Variants in UBOX5 observed in about 807,000 individuals in gnomAD.
UBOX5 encodes RING finger protein 37.
Under a neutral mutation model 39.0 loss-of-function variants are expected in UBOX5, and 28 were observed. That is an observed-to-expected ratio of 0.72 (90% CI 0.53 to 0.98). The LOEUF is 0.98. UBOX5 is among the 50% of genes least tolerant of loss of function. The probability of loss-of-function intolerance (pLI) is 0.00; values close to 1 mark genes in which losing one functional copy is unlikely to be tolerated. For missense variants in UBOX5, 585 were observed against 674.4 expected (o/e 0.87, Z 1.47); for synonymous variants, 283 against 275.5 (o/e 1.03, Z -0.27).
At chr20:3,122,612 A>G (rs775494680) in intron 2 of UBOX5, 28 bp from the exon 3 acceptor site, 1 of 1,523,718 alleles carries the variant, frequency 6.6e-7, no homozygotes, top group Non-Finnish European at 8.8e-7. Context: ...CACAAGATAC[A>G]ATGATCCAAA....
In UBOX5 at chr20:3,109,191, C is replaced by T. The variant is rs2066233843; in HGVS notation, c.*915G>A. On this transcript the variant is annotated 3_prime_UTR_variant, in exon 5 of 5. Transcript: ENST00000217173. The stretch of plus-strand genomic sequence containing the variant: ...TAGTGGCTGGAATCTGATAGAGTAC[C>T]AAGTTGTAGGGATATGGATATATTT... The T allele has an allele frequency of 6.6e-6, 1 of 152,132 alleles. No homozygotes were observed. The highest frequency in any genetic ancestry group is 1.5e-5 in the Non-Finnish European group (1 of 68,032). The allele number at this position is 152,132 out of a possible 1,614,324, so 9.4% of individuals were successfully genotyped here. A position where few individuals can be genotyped will look rare whatever the true frequency, so the allele number is the denominator to read the frequency against.
chr20:3,151,064 GTGTT>G (rs1337116783), intron 1 of UBOX5, among the ~76,000 whole-genome samples: 1 of 151,964 alleles, frequency 6.6e-6, no homozygotes, highest in Non-Finnish European at 1.5e-5. Flanking sequence ...GTTTGTGTGT[GTGTT>G]TGTGTGTGTG....
chr20:3,120,602 T>C (rs1395684297), intron 3 of UBOX5, among the ~76,000 whole-genome samples: 7 of 140,638 alleles, frequency 5.0e-5, no homozygotes, highest in South Asian at 2.3e-4. Flanking sequence ...GCCGAGATCA[T>C]GCCACCGCAC....
At chr20:3,147,612 C>G (rs1455286022) in intron 1 of UBOX5, 1 of 1,614,220 alleles carries the variant, frequency 6.2e-7, no homozygotes, top group African/African-American at 1.3e-5. Context: ...ATTAACTCTA[C>G]TGGAAAGTAC....
At chr20:3,114,628 A>C (rs1414786162) in intron 4 of UBOX5, among the ~76,000 whole-genome samples, 2 of 152,166 alleles carry the variant, frequency 1.3e-5, no homozygotes, top group Non-Finnish European at 2.9e-5. Context: ...CCCGGATGTC[A>C]GACTGCAGAC....
rs189412917 is a variant in UBOX5, at chr20:3,137,243, C to T, written c.-41-13837G>A. Among the ~76,000 whole-genome samples the T allele has an allele frequency of 2.9e-3, 436 of 152,314 alleles. 3 individuals are homozygous for T. Among genetic ancestry groups the T allele is most frequent in the African/African-American group, 9.5e-3 (394 of 41,572 alleles). On this transcript the variant is annotated intron_variant, in intron 1 of 4. Coordinates refer to ENST00000217173, the MANE Select transcript of UBOX5 (RefSeq NM_014948.4). ...TACAGGCGTGAGCCACCACACCCAA[C>T]CAGAAATTGTTTCTTTTTAAAAGAT...
chr20:3,107,771 G>C lies in UBOX5; in HGVS notation c.*2335C>G, dbSNP rs1249550465. ...GGCCTGCCACTCCAGGGGCTCCCAG[G>C]CTGGATTTTCCACCAGAGCAGTCTT... On this transcript the variant is annotated 3_prime_UTR_variant, in exon 5 of 5. Transcript: ENST00000217173. The surrounding 1 kb of genome is among the most constrained non-coding windows in gnomAD (Gnocchi z 5.0). The C allele has an allele frequency of 6.6e-6, 1 of 152,190 alleles. No individual in the cohort carries two copies. Among genetic ancestry groups the C allele is most frequent in the Non-Finnish European group, 1.5e-5 (1 of 68,076 alleles). 9.4% of individuals were successfully genotyped at this position (152,190 alleles called of 1,614,324 possible).
intron 1 of UBOX5, chr20:3,147,101 A>C: frequency 1.2e-6 from 2 of 1,614,032 alleles, no homozygotes; most frequent in Non-Finnish European, 1.7e-6. Flanking sequence ...CTTATTCTCC[A>C]ACTCCATGGG....
intron 3 of UBOX5, among the ~76,000 whole-genome samples, chr20:3,121,097 G>C (rs1568470354): frequency 1.3e-5 from 2 of 152,178 alleles, no homozygotes; most frequent in Non-Finnish European, 2.9e-5. Flanking sequence ...CCCAAGGAAG[G>C]CAACAGTGCC....
Position 3,121,765 on chromosome 20 carries a change from A to G in UBOX5, c.874T>C (p.Cys292Arg). 7.4e-6 allele frequency: 12 copies of G among 1,613,996 alleles called. No individual in the cohort carries two copies. The highest frequency in any genetic ancestry group is 1.0e-5 in the Non-Finnish European group (12 of 1,180,006). Residue 292 changes from cysteine (C) to arginine (R), a missense_variant, in exon 3 of 5, where the codon TGT becomes CGT. Cys to Arg is a radical substitution (Grantham distance 180). Coordinates refer to ENST00000217173, the MANE Select transcript of UBOX5 (RefSeq NM_014948.4). ...KVIDQSTLEK[C>R]NRSEATWGRV... is the part of the protein sequence containing the mutation. ...CCCCATGTGGCTTCACTGCGGTTAC[A>G]CTTCTCCAGTGTGCTCTGGTCGATG...
At position 3,109,086 on chromosome 20, in the gene UBOX5, G is replaced by A. The variant is rs901763350; in HGVS notation, c.*1020C>T. 4 of 152,096 alleles carry A rather than the reference G, an allele frequency of 2.6e-5. No individual in the cohort carries two copies. Among genetic ancestry groups the A allele is most frequent in the African/African-American group, 9.7e-5 (4 of 41,418 alleles). 9.4% of individuals were successfully genotyped at this position (152,096 alleles called of 1,614,324 possible). A position where few individuals can be genotyped will look rare whatever the true frequency, so the allele number is the denominator to read the frequency against. On this transcript the variant is annotated 3_prime_UTR_variant, in exon 5 of 5. Transcript: ENST00000217173. Reference sequence around the variant, plus strand: ...CAAGGGTAAAATACAGCTTTACAAAGCATCTTTAGGCTGTTCCTTCCCAAA... The same window carrying A: ...CAAGGGTAAAATACAGCTTTACAAAACATCTTTAGGCTGTTCCTTCCCAAA...
chr20:3,148,801 T>C (rs768320896), intron 1 of UBOX5: 6 of 1,614,126 alleles, frequency 3.7e-6, no homozygotes, highest in Non-Finnish European at 5.1e-6. Flanking sequence ...CCAGCTGCAA[T>C]GTACTGGCCT....
At chr20:3,147,063 A>AAAGG in intron 1 of UBOX5, 1 of 1,614,182 alleles carries the variant, frequency 6.2e-7, no homozygotes, top group Non-Finnish European at 8.5e-7. Flanking sequence ...GCTACATTGC[A>AAAGG]AAGGAAGCCC....
intron 1 of UBOX5, among the ~76,000 whole-genome samples, chr20:3,140,266 C>G (rs1422576643): frequency 6.6e-6 from 1 of 152,082 alleles, no homozygotes; most frequent in Non-Finnish European, 1.5e-5. Flanking sequence ...AGGTGATCCG[C>G]CCACCTTGGC....
At chr20:3,125,647 C>T (rs1372355360) in intron 1 of UBOX5, among the ~76,000 whole-genome samples, 2 of 145,460 alleles carry the variant, frequency 1.4e-5, no homozygotes, top group Non-Finnish European at 3.0e-5. Flanking sequence ...TGCCCGGCCA[C>T]CCCGTCTGAG....
rs189171329 is a variant in UBOX5 at position 3,118,755 on chromosome 20, G to A, written c.1255+2629C>T. Among the ~76,000 whole-genome samples the A allele has an allele frequency of 2.9e-3, 435 of 152,254 alleles. 3 individuals carry two copies. The highest frequency in any genetic ancestry group is 9.5e-3 in the African/African-American group (393 of 41,548). ...CCACTGCACTCCAGCCTGGGCGACA[G>A]AGCGAGACTCCGTCTCAAAAAAAAA... On this transcript the variant is annotated intron_variant, in intron 3 of 4. Coordinates refer to ENST00000217173, the MANE Select transcript of UBOX5 (RefSeq NM_014948.4).
In UBOX5 at chr20:3,147,597, A is replaced by T. The variant is rs1445831679; in HGVS notation, c.-42+12169T>A. 2.5e-6 allele frequency: 4 copies of T among 1,614,174 alleles called. No homozygotes were observed. The South Asian group carries it at 3.3e-5, about 13-fold the overall frequency. ...CTGACAAACCCTGGACTGAGAGCGA[A>T]ATCAATTAACTCTACTGGAAAGTAC... On this transcript the variant is annotated intron_variant, in intron 1 of 4. Transcript: ENST00000217173.
rs1031419177 is a variant in UBOX5, at chr20:3,149,496, A to G, written c.-42+10270T>C. ...GGCAGTTCCTGGACTGCTGCTCACC[A>G]GACTTCCTTCACTGTACAAGGCAAG... On this transcript the variant is annotated intron_variant, in intron 1 of 4. Coordinates refer to ENST00000217173, the MANE Select transcript of UBOX5 (RefSeq NM_014948.4). The surrounding 1 kb of genome is among the most constrained non-coding windows in gnomAD (Gnocchi z 4.1). Among the ~76,000 whole-genome samples, 1 of 152,162 alleles carries G rather than the reference A, an allele frequency of 6.6e-6. No homozygotes were observed. The highest frequency in any genetic ancestry group is 2.4e-5 in the African/African-American group (1 of 41,448).
chr20:3,143,221 T>C (rs553974454), intron 1 of UBOX5, among the ~76,000 whole-genome samples: 65 of 149,694 alleles, frequency 4.3e-4, no homozygotes, highest in African/African-American at 1.6e-3. Flanking sequence ...GTGATTCTCA[T>C]GCTTCAGCCT....
Sources: gnomAD v4.1 joint callset for allele counts (sites outside exome capture counted in the v4.1 genomes callset) on GRCh38, gnomAD v4.1.1 for gene constraint, Gnocchi (gnomAD v3.1) non-coding constraint, MANE v1.5 for transcripts, NCBI Gene and HGNC (gene_info 2026-07-23, HGNC 2026-07-21) for gene names.